RNF186: variants seen among roughly 807,000 people sequenced by gnomAD.
The protein encoded by RNF186 is E3 ubiquitin-protein ligase RNF186.
For synonymous variants in RNF186, 152 were observed against 133.5 expected (o/e 1.14, Z -0.96); for missense variants, 298 against 298.5 (o/e 1.00, Z 0.01).
Position 19,814,455 on chromosome 1 carries a change from C to G in RNF186, c.647G>C (p.Arg216Thr), listed in dbSNP as rs927397255. Reference sequence around the variant, plus strand: ...AGAGATGTGGCTGTGTTTCTGCTCTCTGCAGAAGAGAGTCCTGGAGGAGGG... The same window carrying G: ...AGAGATGTGGCTGTGTTTCTGCTCTGTGCAGAAGAGAGTCCTGGAGGAGGG... ...CWPSSRTLFC[R>T]EQKHSHISSI... Residue 216 changes from arginine (R) to threonine (T), a missense_variant, in exon 1 of 1, where the codon AGA becomes ACA. By Grantham distance (71) the Arg-to-Thr change is moderately conservative (BLOSUM62 -1). Transcript: ENST00000375121. This position sits in a 1 kb window ranked among gnomAD's most constrained non-coding sequence, Gnocchi z 4.7. 3 of 1,614,050 alleles carry G rather than the reference C, an allele frequency of 1.9e-6. No individual in the cohort carries two copies. Among genetic ancestry groups the G allele is most frequent in the Non-Finnish European group, 2.5e-6 (3 of 1,180,028 alleles).
rs1434711916 is a variant in RNF186 at position 19,814,329 on chromosome 1, T to C, written c.*89A>G. 8.1e-7 allele frequency: 1 copy of C among 1,239,808 alleles called. No homozygotes were observed. The highest frequency in any genetic ancestry group is 1.1e-6 in the Non-Finnish European group (1 of 894,260). 76.8% of individuals were successfully genotyped at this position (1,239,808 alleles called of 1,614,324 possible). On this transcript the variant is annotated 3_prime_UTR_variant, in exon 1 of 1. Transcript: ENST00000375121. The surrounding 1 kb of genome is among the most constrained non-coding windows in gnomAD (Gnocchi z 4.7). ...ATGTGATTTCCCAAAGGAGCCAGTCTTAGTCCGTAACCCCTTACCCTGTTC... is the reference window on the plus strand; with the variant it reads ...ATGTGATTTCCCAAAGGAGCCAGTCCTAGTCCGTAACCCCTTACCCTGTTC...
In RNF186 at chr1:19,814,871, G is replaced by C. The variant is rs146963497; in HGVS notation, c.231C>G (p.Thr77=). 6.2e-7 allele frequency: 1 copy of C among 1,613,790 alleles called. No homozygotes were observed. The highest frequency in any genetic ancestry group is 8.5e-7 in the Non-Finnish European group (1 of 1,180,024). Residue 77 remains threonine (T), a synonymous_variant, in exon 1 of 1, where the codon ACC becomes ACG. Coordinates refer to ENST00000375121, the MANE Select transcript of RNF186 (RefSeq NM_019062.2). The surrounding 1 kb of genome is among the most constrained non-coding windows in gnomAD (Gnocchi z 4.7). ...LKLLLCVQDN[T]WSITCPLCRK... ...GGCACAGCGGGCAGGTGATGGACCA[G>C]GTGTTGTCCTGCACGCACAGCAGGA...
chr1:19,814,460 GA>G lies in RNF186; in HGVS notation c.641del (p.Phe214SerfsTer85). ...TGTGGCTGTGTTTCTGCTCTCTGCA[GA>G]AGAGAGTCCTGGAGGAGGGCCAGCA... ...GSCWPSSRTL[F>X]CREQKHSHIS... On this transcript the variant is annotated frameshift_variant, in exon 1 of 1. Transcript: ENST00000375121. LOFTEE classifies it high-confidence loss of function. This position sits in a 1 kb window ranked among gnomAD's most constrained non-coding sequence, Gnocchi z 4.7. 6.2e-7 allele frequency: 1 copy of G among 1,614,202 alleles called. No individual in the cohort carries two copies. Among genetic ancestry groups the G allele is most frequent in the East Asian group, 2.2e-5 (1 of 44,892 alleles).
rs147586351 is a variant in RNF186 at position 19,815,063 on chromosome 1, G to C, written c.39C>G (p.Ile13Met). Residue 13 changes from isoleucine (I) to methionine (M), a missense_variant, in exon 1 of 1, where the codon ATC becomes ATG. Coordinates refer to ENST00000375121, the MANE Select transcript of RNF186 (RefSeq NM_019062.2). ...CTKTLQQSQP[I>M]SAGATTTTTA... ...TGGTGGTTGTGGTGGCTCCTGCGGAGATGGGCTGGGACTGTTGCAGGGTCT... is the reference window on the plus strand; with the variant it reads ...TGGTGGTTGTGGTGGCTCCTGCGGACATGGGCTGGGACTGTTGCAGGGTCT... The C allele has an allele frequency of 1.7e-4, 277 of 1,613,848 alleles. 2 individuals carry two copies. Among genetic ancestry groups the C allele is most frequent in the Non-Finnish European group, 4.3e-5 (51 of 1,180,044 alleles).
In RNF186 at chr1:19,815,048, G is replaced by C. The variant is rs774317437; in HGVS notation, c.54C>G (p.Thr18=). 4 of 1,613,942 alleles carry C rather than the reference G, an allele frequency of 2.5e-6. No individual in the cohort carries two copies. The highest frequency in any genetic ancestry group is 1.6e-4 in the Middle Eastern group (1 of 6,084). ...CAGGGGCCACAGCGGTGGTGGTTGTGGTGGCTCCTGCGGAGATGGGCTGGG... is the reference window on the plus strand; with the variant it reads ...CAGGGGCCACAGCGGTGGTGGTTGTCGTGGCTCCTGCGGAGATGGGCTGGG... The part of the protein sequence containing the change: ...QQSQPISAGA[T]TTTTAVAPAG... The change falls in exon 1 of 1, where the codon ACC becomes ACG. Residue 18 remains threonine, a synonymous_variant. Transcript: ENST00000375121.
chr1:19,814,866 G>A lies in RNF186; in HGVS notation c.236C>T (p.Ser79Phe). ...CTTGCGGCACAGCGGGCAGGTGATG[G>A]ACCAGGTGTTGTCCTGCACGCACAG... The part of the protein sequence containing the change: ...LLLCVQDNTW[S>F]ITCPLCRKVT... The change falls in exon 1 of 1, where the codon TCC (serine) becomes TTC (phenylalanine). Residue 79 changes from serine to phenylalanine, a missense_variant. Transcript: ENST00000375121. The surrounding 1 kb of genome is among the most constrained non-coding windows in gnomAD (Gnocchi z 4.7). The A allele has an allele frequency of 6.2e-7, 1 of 1,613,926 alleles. No individual in the cohort carries two copies. Among genetic ancestry groups the A allele is most frequent in the Non-Finnish European group, 8.5e-7 (1 of 1,180,028 alleles).
rs200546106 is a variant in RNF186, at chr1:19,814,481, C to T, written c.621G>A (p.Trp207Ter). The change falls in exon 1 of 1, where the codon TGG (tryptophan) becomes TGA (stop). Residue 207 changes from tryptophan (W) to a stop codon, truncating the protein, a stop_gained. Coordinates refer to ENST00000375121, the MANE Select transcript of RNF186 (RefSeq NM_019062.2). LOFTEE classifies it high-confidence loss of function. This position sits in a 1 kb window ranked among gnomAD's most constrained non-coding sequence, Gnocchi z 4.7. ...CCLPSTRGSC[W>*]PSSRTLFCRE... ...TGCAGAAGAGAGTCCTGGAGGAGGG[C>T]CAGCAGCTGCCCCGGGTGCTGGGGA... 67 of 1,614,014 alleles carry T rather than the reference C, an allele frequency of 4.2e-5. No individual in the cohort carries two copies. Among genetic ancestry groups the T allele is most frequent in the Non-Finnish European group, 5.3e-5 (62 of 1,180,034 alleles).
chr1:19,814,250 G>T lies in RNF186; in HGVS notation c.*168C>A. 1.6e-6 allele frequency: 1 copy of T among 641,484 alleles called. No individual in the cohort carries two copies. Among genetic ancestry groups the T allele is most frequent in the Non-Finnish European group, 2.7e-6 (1 of 372,082 alleles). The allele number at this position is 641,484 out of a possible 1,614,324, so 39.7% of individuals were successfully genotyped here. A position where few individuals can be genotyped will look rare whatever the true frequency, so the allele number is the denominator to read the frequency against. ...AAGTGCAAGCCTGTCATCCAAGCGT[G>T]TAATTCTTGACCCAGGCTGGCCATC... On this transcript the variant is annotated 3_prime_UTR_variant, in exon 1 of 1. Transcript: ENST00000375121. The surrounding 1 kb of genome is among the most constrained non-coding windows in gnomAD (Gnocchi z 4.7).
rs2044698941 is a variant in RNF186, at chr1:19,814,511, G to A, written c.591C>T (p.Cys197=). The change falls in exon 1 of 1, where the codon TGC becomes TGT. Residue 197 remains cysteine, a synonymous_variant. Transcript: ENST00000375121. The surrounding 1 kb of genome is among the most constrained non-coding windows in gnomAD (Gnocchi z 4.7). Reference sequence around the variant, plus strand: ...AGCTGCCCCGGGTGCTGGGGAGACAGCAGAAGAGGGTGGACATCAGCAGGG... The same window carrying A: ...AGCTGCCCCGGGTGCTGGGGAGACAACAGAAGAGGGTGGACATCAGCAGGG... ...ALALLMSTLF[C]CLPSTRGSCW... is the part of the protein sequence containing the mutation. 6.2e-7 allele frequency: 1 copy of A among 1,614,046 alleles called. No homozygotes were observed. The highest frequency in any genetic ancestry group is 1.7e-5 in the Admixed American group (1 of 60,008).
Position 19,815,028 on chromosome 1 carries a change from G to C in RNF186, c.74C>G (p.Ala25Gly). Residue 25 changes from alanine (A) to glycine (G), a missense_variant, in exon 1 of 1, where the codon GCC becomes GGC. Coordinates refer to ENST00000375121, the MANE Select transcript of RNF186 (RefSeq NM_019062.2). Reference protein sequence around the residue: ...AGATTTTTAVAPAGGHSGSTE... With the variant: ...AGATTTTTAVGPAGGHSGSTE... Reference sequence around the variant, plus strand: ...GGAGCCAGAATGACCCCCAGCAGGGGCCACAGCGGTGGTGGTTGTGGTGGC... The same window carrying C: ...GGAGCCAGAATGACCCCCAGCAGGGCCCACAGCGGTGGTGGTTGTGGTGGC... 6.2e-7 allele frequency: 1 copy of C among 1,614,130 alleles called. No homozygotes were observed. Among genetic ancestry groups the C allele is most frequent in the Non-Finnish European group, 8.5e-7 (1 of 1,180,034 alleles).
Position 19,814,440 on chromosome 1 carries a change from C to T in RNF186, c.662G>A (p.Ser221Asn), listed in dbSNP as rs2044697987. ...RTLFCREQKH[S>N]HISSIA ...CACTCAGGCAATGGAAGAGATGTGGCTGTGTTTCTGCTCTCTGCAGAAGAG... is the reference window on the plus strand; with the variant it reads ...CACTCAGGCAATGGAAGAGATGTGGTTGTGTTTCTGCTCTCTGCAGAAGAG... The change falls in exon 1 of 1, where the codon AGC (serine) becomes AAC (asparagine). Residue 221 changes from serine (S) to asparagine (N), a missense_variant. By Grantham distance (46) the Ser-to-Asn change is conservative. Transcript: ENST00000375121. The surrounding 1 kb of genome is among the most constrained non-coding windows in gnomAD (Gnocchi z 4.7). 2 of 1,613,906 alleles carry T rather than the reference C, an allele frequency of 1.2e-6. No homozygotes were observed. The highest frequency in any genetic ancestry group is 2.2e-5 in the East Asian group (1 of 44,898).
chr1:19,814,783 C>T lies in RNF186; in HGVS notation c.319G>A (p.Gly107Arg), dbSNP rs2044703038. Residue 107 changes from glycine (G) to arginine (R), a missense_variant, in exon 1 of 1, where the codon GGG becomes AGG. Gly to Arg is a moderately radical substitution (Grantham distance 125). Coordinates refer to ENST00000375121, the MANE Select transcript of RNF186 (RefSeq NM_019062.2). This position sits in a 1 kb window ranked among gnomAD's most constrained non-coding sequence, Gnocchi z 4.7. ...CSLRDHEAVV[G>R]QLAQPCTEVS... is the part of the protein sequence containing the mutation. Reference sequence around the variant, plus strand: ...TCTGTGCATGGCTGGGCCAGCTGCCCCACCACCGCCTCATGGTCGCGCAGG... The same window carrying T: ...TCTGTGCATGGCTGGGCCAGCTGCCTCACCACCGCCTCATGGTCGCGCAGG... 6.2e-7 allele frequency: 1 copy of T among 1,614,048 alleles called. No homozygotes were observed. Among genetic ancestry groups the T allele is most frequent in the Non-Finnish European group, 8.5e-7 (1 of 1,180,010 alleles).
rs2044705202 is a variant in RNF186, at chr1:19,814,933, C to T, written c.169G>A (p.Ala57Thr). 1.2e-6 allele frequency: 2 copies of T among 1,613,828 alleles called. No individual in the cohort carries two copies. The highest frequency in any genetic ancestry group is 1.7e-5 in the Admixed American group (1 of 60,014). Residue 57 changes from alanine (A) to threonine (T), a missense_variant, in exon 1 of 1, where the codon GCC becomes ACC. By Grantham distance (58) the Ala-to-Thr change is moderately conservative (BLOSUM62 0). Transcript: ENST00000375121. This position sits in a 1 kb window ranked among gnomAD's most constrained non-coding sequence, Gnocchi z 4.7. ...ATGGCGCAGAAGGCATGCTGGCAGGCCAGCAGCTTGGGCAACCGGGGACAG... is the reference window on the plus strand; with the variant it reads ...ATGGCGCAGAAGGCATGCTGGCAGGTCAGCAGCTTGGGCAACCGGGGACAG... ...YSCPRLPKLLACQHAFCAICL... is the reference protein window; with the variant it reads ...YSCPRLPKLLTCQHAFCAICL...
At position 19,815,004 on chromosome 1, in the gene RNF186, G is replaced by C. The variant is rs754488757; in HGVS notation, c.98C>G (p.Ser33Cys). The C allele has an allele frequency of 1.1e-5, 17 of 1,613,980 alleles. No homozygotes were observed. The Admixed American group carries it at 2.8e-4, about 27-fold the overall frequency. The change falls in exon 1 of 1, where the codon TCC (serine) becomes TGC (cysteine). Residue 33 changes from serine (S) to cysteine (C), a missense_variant. Transcript: ENST00000375121. ...CAGACACTCCAGGTCACATTCTGTG[G>C]AGCCAGAATGACCCCCAGCAGGGGC... is the stretch of plus-strand genomic sequence containing the variant. ...AVAPAGGHSG[S>C]TECDLECLVC...
rs1437453651 is a variant in RNF186 at position 19,815,154 on chromosome 1, GA to G, written c.-54del. ...GTCGCTCAGCACCTGGGCATTGGCAGAGAGTGTCAGCTGGCGCCGCTGGGAC... is the reference window on the plus strand; with the variant it reads ...GTCGCTCAGCACCTGGGCATTGGCAGGAGTGTCAGCTGGCGCCGCTGGGAC... On this transcript the variant is annotated 5_prime_UTR_variant, in exon 1 of 1. Coordinates refer to ENST00000375121, the MANE Select transcript of RNF186 (RefSeq NM_019062.2). 5.3e-6 allele frequency: 8 copies of G among 1,523,254 alleles called. No individual in the cohort carries two copies. The highest frequency in any genetic ancestry group is 7.2e-6 in the Non-Finnish European group (8 of 1,112,676). 94.4% of individuals were successfully genotyped at this position (1,523,254 alleles called of 1,614,324 possible). A position where few individuals can be genotyped will look rare whatever the true frequency, so the allele number is the denominator to read the frequency against.
Position 19,814,355 on chromosome 1 carries a change from A to G in RNF186, c.*63T>C. The G allele has an allele frequency of 2.0e-6, 3 of 1,469,142 alleles. No homozygotes were observed. Among genetic ancestry groups the G allele is most frequent in the African/African-American group, 1.4e-5 (1 of 72,334 alleles). 91.0% of individuals were successfully genotyped at this position (1,469,142 alleles called of 1,614,324 possible). On this transcript the variant is annotated 3_prime_UTR_variant, in exon 1 of 1. Coordinates refer to ENST00000375121, the MANE Select transcript of RNF186 (RefSeq NM_019062.2). The surrounding 1 kb of genome is among the most constrained non-coding windows in gnomAD (Gnocchi z 4.7). Reference sequence around the variant, plus strand: ...TAGTCCGTAACCCCTTACCCTGTTCATTGTGGAAGTCCGGGGGCCCAAGGG... The same window carrying G: ...TAGTCCGTAACCCCTTACCCTGTTCGTTGTGGAAGTCCGGGGGCCCAAGGG...
In RNF186 at chr1:19,814,887, C is replaced by T. The variant is rs1476671590; in HGVS notation, c.215G>A (p.Cys72Tyr). The change falls in exon 1 of 1, where the codon TGC becomes TAC. Residue 72 changes from cysteine (C) to tyrosine (Y), a missense_variant. Coordinates refer to ENST00000375121, the MANE Select transcript of RNF186 (RefSeq NM_019062.2). The surrounding 1 kb of genome is among the most constrained non-coding windows in gnomAD (Gnocchi z 4.7). The part of the protein sequence containing the change: ...FCAICLKLLL[C>Y]VQDNTWSITC... ...GATGGACCAGGTGTTGTCCTGCACG[C>T]ACAGCAGGAGCTTCAGGCAGATGGC... is the stretch of plus-strand genomic sequence containing the variant. 1 of 1,613,890 alleles carries T rather than the reference C, an allele frequency of 6.2e-7. No homozygotes were observed. Among genetic ancestry groups the T allele is most frequent in the Non-Finnish European group, 8.5e-7 (1 of 1,180,022 alleles).
chr1:19,814,802 G>A lies in RNF186; in HGVS notation c.300C>T (p.Arg100=), dbSNP rs201262383. 208 of 1,613,964 alleles carry A rather than the reference G, an allele frequency of 1.3e-4. 1 individual carries two copies. The highest frequency in any genetic ancestry group is 5.6e-4 in the South Asian group (51 of 91,074). Residue 100 remains arginine (R), a synonymous_variant, in exon 1 of 1, where the codon CGC becomes CGT. Transcript: ENST00000375121. This position sits in a 1 kb window ranked among gnomAD's most constrained non-coding sequence, Gnocchi z 4.7. The part of the protein sequence containing the change: ...AVPGGLICSL[R]DHEAVVGQLA... ...GCTGCCCCACCACCGCCTCATGGTCGCGCAGGCTGCAGATGAGGCCCCCGG... is the reference window on the plus strand; with the variant it reads ...GCTGCCCCACCACCGCCTCATGGTCACGCAGGCTGCAGATGAGGCCCCCGG...
In RNF186 at chr1:19,814,859, G is replaced by GGT. The variant is rs748212664; in HGVS notation, c.241_242dup (p.Cys82ProfsTer65). 8 of 1,613,790 alleles carry GGT rather than the reference G, an allele frequency of 5.0e-6. No individual in the cohort carries two copies. The highest frequency in any genetic ancestry group is 2.7e-5 in the African/African-American group (2 of 74,926). On this transcript the variant is annotated frameshift_variant, in exon 1 of 1. Coordinates refer to ENST00000375121, the MANE Select transcript of RNF186 (RefSeq NM_019062.2). LOFTEE classifies it low-confidence loss of function (END_TRUNC). The surrounding 1 kb of genome is among the most constrained non-coding windows in gnomAD (Gnocchi z 4.7). ...CGGTGACCTTGCGGCACAGCGGGCA[G>GGT]GTGATGGACCAGGTGTTGTCCTGCA... is the stretch of plus-strand genomic sequence containing the variant.
Sources: allele counts gnomAD v4.1 joint callset, GRCh38; gene constraint gnomAD v4.1.1; non-coding constraint Gnocchi (gnomAD v3.1); transcripts MANE v1.5; gene names NCBI Gene and HGNC (gene_info 2026-07-23, HGNC 2026-07-21).